The following DCPH1 variants were observed in gnomAD, a reference collection of about 807,000 sequenced individuals.
DCPH1 encodes the protein damage control phosphatase 1.
the DCPH1 span, among the ~76,000 whole-genome samples, chr6:151,461,605 A>G: frequency 6.6e-6 from 1 of 152,170 alleles, no homozygotes; most frequent in African/African-American, 2.4e-5. Context: ...CAGGAGGTGG[A>G]GGTTGCAGTG....
chr6:151,469,233 T>A, the DCPH1 span: 1 of 744,830 alleles, frequency 1.3e-6, no homozygotes. Context: ...CTTAGCTTCT[T>A]GGTGCCCATC....
the DCPH1 span, chr6:151,458,701 G>A: frequency 3.0e-6 from 2 of 675,874 alleles, no homozygotes; most frequent in Non-Finnish European, 4.9e-6. Flanking sequence ...AATCTTAATA[G>A]CATTGTTGGA....
At chr6:151,467,684 G>T in the DCPH1 span, among the ~76,000 whole-genome samples, 2 of 151,988 alleles carry the variant, frequency 1.3e-5, no homozygotes, top group Non-Finnish European at 2.9e-5. Flanking sequence ...AGTCCTAAAC[G>T]TGTAATTTTA....
the DCPH1 span, chr6:151,468,463 G>A: frequency 1.4e-3 from 2,205 of 1,613,354 alleles, 23 homozygotes; most frequent in African/African-American, 0.024. Context: ...GAATGATATG[G>A]AACATCTTTG....
At chr6:151,455,280 A>G in the DCPH1 span, among the ~76,000 whole-genome samples, 51 of 152,318 alleles carry the variant, frequency 3.3e-4, 1 homozygote, top group African/African-American at 1.2e-3. Context: ...TTGGAAAAGA[A>G]AAAGACACAG....
the DCPH1 span, chr6:151,468,489 T>C: frequency 8.7e-6 from 14 of 1,613,796 alleles, no homozygotes; most frequent in Non-Finnish European, 1.1e-5. Flanking sequence ...TGCTTAGCAA[T>C]TGCAAGAAAA....
the DCPH1 span, among the ~76,000 whole-genome samples, chr6:151,458,966 G>A: frequency 5.9e-5 from 9 of 151,996 alleles, no homozygotes; most frequent in South Asian, 2.1e-4. Context: ...AACGAAACCC[G>A]TCTCTACTAA....
At chr6:151,466,586 C>A in the DCPH1 span, among the ~76,000 whole-genome samples, 6 of 152,146 alleles carry the variant, frequency 3.9e-5, no homozygotes, top group African/African-American at 1.4e-4. Context: ...TGATCTCTTT[C>A]AAAAGTCATA....
chr6:151,452,838 C>T, the DCPH1 span: 3 of 436,510 alleles, frequency 6.9e-6, no homozygotes, highest in East Asian at 3.8e-5. Flanking sequence ...GCGGTCTGTT[C>T]CTGGCGGTCA....
At chr6:151,456,477 C>G in the DCPH1 span, among the ~76,000 whole-genome samples, 1 of 152,076 alleles carries the variant, frequency 6.6e-6, no homozygotes, top group African/African-American at 2.4e-5. Flanking sequence ...TGCTAAAATC[C>G]GGCTTAATTT....
At chr6:151,453,851 T>G in the DCPH1 span, among the ~76,000 whole-genome samples, 1 of 152,234 alleles carries the variant, frequency 6.6e-6, no homozygotes, top group Non-Finnish European at 1.5e-5. Context: ...CTTTAATTTT[T>G]TAATGCAGGT....
the DCPH1 span, among the ~76,000 whole-genome samples, chr6:151,460,207 G>A: frequency 6.6e-6 from 1 of 151,982 alleles, no homozygotes; most frequent in Non-Finnish European, 1.5e-5. Context: ...AGCCTCCCGA[G>A]TAGCTGGGAT....
chr6:151,468,585 C>G, the DCPH1 span: 3 of 1,613,976 alleles, frequency 1.9e-6, no homozygotes, highest in African/African-American at 2.7e-5. Flanking sequence ...TATTAGCCGA[C>G]TTCTTGTTGT....
chr6:151,466,221 G>C, the DCPH1 span, among the ~76,000 whole-genome samples: 1 of 152,048 alleles, frequency 6.6e-6, no homozygotes, highest in Non-Finnish European at 1.5e-5. Context: ...GCCTGGCCCA[G>C]GACATTGTTA....
At chr6:151,462,165 A>G in the DCPH1 span, among the ~76,000 whole-genome samples, 1 of 152,264 alleles carries the variant, frequency 6.6e-6, no homozygotes, top group Non-Finnish European at 1.5e-5. Context: ...CAGATATTGA[A>G]AGATGAAAGT....
At chr6:151,463,238 C>T in the DCPH1 span, among the ~76,000 whole-genome samples, 2 of 152,270 alleles carry the variant, frequency 1.3e-5, no homozygotes, top group Non-Finnish European at 2.9e-5. Flanking sequence ...CTGATTTCAG[C>T]GGTGCTGCCA....
chr6:151,459,581 C>G, the DCPH1 span, among the ~76,000 whole-genome samples: 1 of 152,048 alleles, frequency 6.6e-6, no homozygotes, highest in Non-Finnish European at 1.5e-5. Context: ...CACTCGAGGT[C>G]AGGAATTTGA....
At chr6:151,454,444 G>A in the DCPH1 span, 3 of 668,804 alleles carry the variant, frequency 4.5e-6, no homozygotes, top group African/African-American at 3.7e-5. Context: ...TTTAATAGTT[G>A]TATGAGGAGT....
At chr6:151,463,141 T>C in the DCPH1 span, among the ~76,000 whole-genome samples, 158 of 152,330 alleles carry the variant, frequency 1.0e-3, 1 homozygote, top group African/African-American at 3.6e-3. Context: ...ACTCTTAGCA[T>C]GTGAGTCAGA....
Sources: gnomAD v4.1 joint callset for allele counts (sites outside exome capture counted in the v4.1 genomes callset) on GRCh38, gnomAD v4.1.1 for gene constraint, MANE v1.5 for transcripts, NCBI Gene and HGNC (gene_info 2026-07-23, HGNC 2026-07-21) for gene names.